CHODL: variants seen among roughly 807,000 people sequenced by gnomAD.
CHODL encodes the protein chondrolectin.
A neutral mutation model predicts 34.5 loss-of-function variants in CHODL; 29 were observed. That is an observed-to-expected ratio of 0.84 (90% CI 0.63 to 1.15). The LOEUF (loss-of-function observed/expected upper bound fraction) is 1.15. CHODL is among the 50% of genes most tolerant of loss of function. CHODL has a pLI of 0.00. For synonymous variants in CHODL, 125 were observed against 116.1 expected, an observed-to-expected ratio of 1.08 and a Z score of -0.49; for missense variants, 332 against 332.5, an observed-to-expected ratio of 1.00 and a Z score of 0.01.
intron 2 of CHODL, among the ~76,000 whole-genome samples, chr21:18,090,568 C>T (rs2065060123): frequency 6.6e-6 from 1 of 151,078 alleles, no homozygotes; most frequent in African/African-American, 2.4e-5. Flanking sequence ...CCTAAAATAA[C>T]AACAGTGTGC....
At chr21:18,034,864 A>G (rs2064291471) in intron 2 of CHODL, among the ~76,000 whole-genome samples, 1 of 152,002 alleles carries the variant, frequency 6.6e-6, no homozygotes, top group Non-Finnish European at 1.5e-5. Context: ...TGACTAGAGA[A>G]GGAGAGAAAG....
intron 2 of CHODL, among the ~76,000 whole-genome samples, chr21:18,031,872 A>G (rs1356521235): frequency 6.6e-6 from 1 of 152,112 alleles, no homozygotes; most frequent in African/African-American, 2.4e-5. Context: ...CCTTTGAGAA[A>G]AAACAAGTAT....
intron 2 of CHODL, among the ~76,000 whole-genome samples, chr21:18,064,214 G>T (rs373863608): frequency 7.1e-6 from 1 of 141,680 alleles, no homozygotes; most frequent in African/African-American, 2.5e-5. Flanking sequence ...CATTTCAATT[G>T]TGTCATACCC....
At chr21:18,257,630 T>C (rs2074333229) in intron 3 of CHODL, among the ~76,000 whole-genome samples, 1 of 152,146 alleles carries the variant, frequency 6.6e-6, no homozygotes, top group African/African-American at 2.4e-5. Flanking sequence ...TCATAGCTCA[T>C]TGCCCCATAG....
chr21:18,177,442 A>T (rs2073329958), intron 2 of CHODL, among the ~76,000 whole-genome samples: 1 of 152,102 alleles, frequency 6.6e-6, no homozygotes. Flanking sequence ...TTTTCTGTGT[A>T]TGTAGCTTCA....
intron 1 of CHODL, among the ~76,000 whole-genome samples, chr21:18,002,158 A>C (rs978509491): frequency 6.6e-6 from 1 of 152,236 alleles, no homozygotes; most frequent in African/African-American, 2.4e-5. Flanking sequence ...AAAACAATAC[A>C]TCATAAACAT....
At chr21:18,015,966 C>G (rs1050941831) in intron 1 of CHODL, among the ~76,000 whole-genome samples, 1 of 152,170 alleles carries the variant, frequency 6.6e-6, no homozygotes, top group African/African-American at 2.4e-5. Flanking sequence ...AACTAGAACT[C>G]ATATTTAAAA....
rs570755802 is a variant in CHODL, at chr21:18,266,873, T to C, written c.*835T>C. ...AAAGAAGTGACATACACAATATAAA[T>C]CATATGTCTTCACACGTTGCCTATA... On this transcript the variant is annotated 3_prime_UTR_variant, in exon 6 of 6. Transcript: ENST00000299295. 2 of 152,556 alleles carry C rather than the reference T, an allele frequency of 1.3e-5. No individual in the cohort carries two copies. The highest frequency in any genetic ancestry group is 2.4e-5 in the African/African-American group (1 of 41,456). 9.5% of individuals were successfully genotyped at this position (152,556 alleles called of 1,614,324 possible). A position where few individuals can be genotyped will look rare whatever the true frequency, so the allele number is the denominator to read the frequency against.
intron 2 of CHODL, among the ~76,000 whole-genome samples, chr21:18,225,241 T>G (rs2073920663): frequency 6.6e-6 from 1 of 152,164 alleles, no homozygotes; most frequent in Admixed American, 6.6e-5. Flanking sequence ...AGGTGATATA[T>G]TTAACTTGAA....
At chr21:18,123,293 C>T (rs1012253192) in intron 2 of CHODL, among the ~76,000 whole-genome samples, 2 of 152,096 alleles carry the variant, frequency 1.3e-5, no homozygotes, top group African/African-American at 4.8e-5. Context: ...TTGGCTTAAC[C>T]CCAAGTTCCA....
chr21:17,992,484 A>G (rs983940376), intron 1 of CHODL, among the ~76,000 whole-genome samples: 1 of 152,016 alleles, frequency 6.6e-6, no homozygotes, highest in African/African-American at 2.4e-5. Flanking sequence ...AATTTCTTTC[A>G]TCAGTGTTTT....
intron 1 of CHODL, among the ~76,000 whole-genome samples, chr21:17,927,101 T>C (rs2063231375): frequency 6.8e-6 from 1 of 147,802 alleles, no homozygotes; most frequent in African/African-American, 2.5e-5. Flanking sequence ...TGTATATCTG[T>C]GTGTATGTAT....
intron 2 of CHODL, among the ~76,000 whole-genome samples, chr21:18,169,955 A>G (rs914591475): frequency 6.6e-6 from 1 of 152,002 alleles, no homozygotes; most frequent in South Asian, 2.1e-4. Context: ...AAATCCAGTT[A>G]TTTTATGGTG....
intron 1 of CHODL, among the ~76,000 whole-genome samples, chr21:17,950,787 A>G (rs1274525638): frequency 6.6e-6 from 1 of 152,186 alleles, no homozygotes; most frequent in Non-Finnish European, 1.5e-5. Context: ...ATTGCCAAGT[A>G]AGTCCTCTCT....
rs370921335 is a variant in CHODL at position 17,971,696 on chromosome 21, G to A, written c.-145+54296G>A. Among the ~76,000 whole-genome samples, 15 of 152,152 alleles carry A rather than the reference G, an allele frequency of 9.9e-5. 1 individual carries two copies. The highest frequency in any genetic ancestry group is 4.6e-4 in the Admixed American group (7 of 15,266). On this transcript the variant is annotated intron_variant, in intron 1 of 6. Coordinates refer to the CHODL transcript ENST00000400127. Reference sequence around the variant, plus strand: ...AGCCAAAAAAAGCCCAGGACCAGACGGATTCACAGCCAAATTCTACCAGAG... The same window carrying A: ...AGCCAAAAAAAGCCCAGGACCAGACAGATTCACAGCCAAATTCTACCAGAG...
At chr21:18,244,627 G>C (rs2074113803), upstream of CHODL, among the ~76,000 whole-genome samples, 1 of 152,194 alleles carries the variant, frequency 6.6e-6, no homozygotes, top group Non-Finnish European at 1.5e-5. Context: ...CAGTCCGCTA[G>C]CGAATGGAAA....
At chr21:17,962,641 A>G (rs2063539938) in intron 1 of CHODL, among the ~76,000 whole-genome samples, 1 of 152,160 alleles carries the variant, frequency 6.6e-6, no homozygotes, top group African/African-American at 2.4e-5. Flanking sequence ...TTTTAGAAAA[A>G]CTGGTGGGAA....
chr21:18,198,440 AGAAG>A (rs1007656256), intron 2 of CHODL, among the ~76,000 whole-genome samples: 16 of 152,350 alleles, frequency 1.1e-4, no homozygotes, highest in African/African-American at 3.6e-4. Context: ...AACTAAAAAT[AGAAG>A]GCAGCATTAT....
chr21:18,090,811 A>G (rs2065064192), intron 2 of CHODL, among the ~76,000 whole-genome samples: 1 of 152,154 alleles, frequency 6.6e-6, no homozygotes, highest in African/African-American at 2.4e-5. Flanking sequence ...AGAAGCCTAC[A>G]TTGTATGTCT....
Sources: allele counts gnomAD v4.1 joint callset (sites outside exome capture counted in the v4.1 genomes callset), GRCh38; gene constraint gnomAD v4.1.1; transcripts MANE v1.5; gene names NCBI Gene and HGNC (gene_info 2026-07-23, HGNC 2026-07-21).